HEPH: variants seen among roughly 807,000 people sequenced by gnomAD.
The protein encoded by HEPH is hephaestin.
In HEPH, 69 loss-of-function variants were observed where a neutral mutation model predicts 80.8. That is an observed-to-expected ratio of 0.85 (90% CI 0.70 to 1.04). The LOEUF is 1.04. Ranked by LOEUF, HEPH falls within the 50% of genes least tolerant of loss-of-function variation. The pLI is 0.00. For missense variants in HEPH, 1,115 were observed against 891.3 expected (o/e 1.25, Z -3.20); for synonymous variants, 431 against 322.8 (o/e 1.34, Z -3.60).
At chrX:66,227,871 C>A (rs1225852748) in intron 15 of HEPH, among the ~76,000 whole-genome samples, 2 of 110,970 alleles carry the variant, frequency 1.8e-5, no homozygotes, top group Admixed American at 9.6e-5. Context: ...CTTGCTTTGG[C>A]TATGTGGGAT....
At chrX:66,169,318 T>G (rs1205000827) in intron 1 of HEPH, among the ~76,000 whole-genome samples, 1 of 111,932 alleles carries the variant, frequency 8.9e-6, no homozygotes, top group Non-Finnish European at 1.9e-5. Flanking sequence ...TATAACAGAG[T>G]GATTTTATGT....
At chrX:66,243,891 C>G (rs1197887493) in intron 15 of HEPH, among the ~76,000 whole-genome samples, 1 of 112,044 alleles carries the variant, frequency 8.9e-6, no homozygotes, top group African/African-American at 3.2e-5. Flanking sequence ...ATTTGCCTGC[C>G]TGAAAAGGAT....
At chrX:66,165,487 G>T in intron 1 of HEPH, among the ~76,000 whole-genome samples, 1 of 111,540 alleles carries the variant, frequency 9.0e-6, no homozygotes, top group Non-Finnish European at 1.9e-5. Context: ...TTTAGGATGA[G>T]CCTGTCTAGC....
chrX:66,178,655 T>C (rs1399826580), intron 4 of HEPH, among the ~76,000 whole-genome samples: 2 of 112,248 alleles, frequency 1.8e-5, no homozygotes, highest in Non-Finnish European at 3.8e-5. Flanking sequence ...TGTGGGATGG[T>C]ATCTCATTGT....
At chrX:66,266,275 T>A (rs1286394893) in intron 20 of HEPH, among the ~76,000 whole-genome samples, 165 bp from the exon 21 acceptor site, 2 of 111,108 alleles carry the variant, frequency 1.8e-5, no homozygotes, top group South Asian at 3.9e-4. Flanking sequence ...TTTTCTTGAT[T>A]CTCTAACCTC....
rs5965111 is a variant in HEPH at position 66,198,415 on chromosome X, C to T, written c.1714-463C>T. ...TTCTGTGAAGATTAATTAAAATAACCCATATAAAGTGCCTAGCACAGTGTC... is the reference window on the plus strand; with the variant it reads ...TTCTGTGAAGATTAATTAAAATAACTCATATAAAGTGCCTAGCACAGTGTC... On this transcript the variant is annotated intron_variant, in intron 10 of 20. Transcript: ENST00000343002. Among the ~76,000 whole-genome samples the T allele has an allele frequency of 9.6e-3, 1,072 of 111,876 alleles. 13 individuals are homozygous for T. The highest frequency in any genetic ancestry group is 0.034 in the African/African-American group (1,033 of 30,720).
At chrX:66,199,323 C>A (rs1355617238) in intron 11 of HEPH, among the ~76,000 whole-genome samples, 2 of 109,122 alleles carry the variant, frequency 1.8e-5, no homozygotes, top group East Asian at 5.7e-4. Context: ...CCTTTCCAAT[C>A]TTATCTCCCC....
intron 15 of HEPH, among the ~76,000 whole-genome samples, chrX:66,244,323 A>G (rs2090720038): frequency 9.0e-6 from 1 of 111,674 alleles, no homozygotes; most frequent in Admixed American, 9.5e-5. Flanking sequence ...TAGATTTGGT[A>G]TCTTTACATA....
intron 15 of HEPH, among the ~76,000 whole-genome samples, chrX:66,219,807 G>A (rs1090841): frequency 0.29 from 32,009 of 110,389 alleles, 4,227 homozygotes; most frequent in African/African-American, 0.51. Flanking sequence ...CCCACTGGTC[G>A]GGTATTTTGG....
rs190207224 is a variant in HEPH, at chrX:66,211,415, C to A, written c.2563+3169C>A. ...AAGTATAGTAATCTTAATCTGCTAT[C>A]AAACATTGAATTCATTCCATTTTAC... On this transcript the variant is annotated intron_variant, in intron 15 of 20. Transcript: ENST00000343002. 1.8e-4 allele frequency among the ~76,000 whole-genome samples: 20 copies of A among 111,430 alleles called. No individual in the cohort carries two copies. The Admixed American group carries it at 1.8e-3, about 10-fold the overall frequency.
chrX:66,206,339 CTTTTTTTTTTTTTTTTTTT>C (rs760184190), intron 13 of HEPH, among the ~76,000 whole-genome samples: 96 of 14,074 alleles, frequency 6.8e-3, no homozygotes, highest in Non-Finnish European at 0.011. Context: ...AACCTGCCAT[CTTTTTTTTTTTTTTTTTTT>C]TTTTTTTTTT....
intron 19 of HEPH, among the ~76,000 whole-genome samples, chrX:66,262,525 A>G (rs968480677): frequency 8.9e-6 from 1 of 112,067 alleles, no homozygotes; most frequent in African/African-American, 3.2e-5. Flanking sequence ...ATAAATAATT[A>G]TCACCAGCCA....
intron 4 of HEPH, among the ~76,000 whole-genome samples, chrX:66,180,203 T>A (rs1373102561): frequency 9.0e-6 from 1 of 110,935 alleles, no homozygotes; most frequent in East Asian, 2.8e-4. Context: ...AGATCCTGTG[T>A]GATTGATTTA....
chrX:66,201,006 G>A (rs890862969), intron 12 of HEPH, among the ~76,000 whole-genome samples: 2 of 111,676 alleles, frequency 1.8e-5, no homozygotes, highest in Non-Finnish European at 3.8e-5. Flanking sequence ...AAGGGAAGTT[G>A]GGATGTTGCT....
At chrX:66,228,789 T>C (rs1309749059) in intron 15 of HEPH, among the ~76,000 whole-genome samples, 1 of 112,089 alleles carries the variant, frequency 8.9e-6, no homozygotes, top group African/African-American at 3.2e-5. Context: ...TCAACAGCAC[T>C]AAGGATCAGG....
intron 15 of HEPH, among the ~76,000 whole-genome samples, chrX:66,232,026 T>C (rs903487868): frequency 9.2e-6 from 1 of 109,273 alleles, no homozygotes; most frequent in African/African-American, 3.4e-5. Flanking sequence ...TCTGCATCTA[T>C]TGAGATAATC....
At chrX:66,210,043 T>C (rs774119916) in intron 15 of HEPH, among the ~76,000 whole-genome samples, 22 of 111,272 alleles carry the variant, frequency 2.0e-4, no homozygotes, top group Non-Finnish European at 3.6e-4. Flanking sequence ...AAGAGTATAT[T>C]GAATGAGAAA....
chrX:66,229,642 C>A (rs1405082651), intron 15 of HEPH, among the ~76,000 whole-genome samples: 1 of 111,601 alleles, frequency 9.0e-6, no homozygotes, highest in Non-Finnish European at 1.9e-5. Flanking sequence ...TATAAAGTAC[C>A]TTTTCCAAGA....
chrX:66,255,723 A>G (rs949986914), intron 16 of HEPH, among the ~76,000 whole-genome samples: 2 of 111,360 alleles, frequency 1.8e-5, no homozygotes, highest in African/African-American at 6.5e-5. Context: ...AGGCATCACA[A>G]TGGGAGGTGC....
Sources: allele counts gnomAD v4.1 joint callset (sites outside exome capture counted in the v4.1 genomes callset), GRCh38; gene constraint gnomAD v4.1.1; transcripts MANE v1.5; gene names NCBI Gene and HGNC (gene_info 2026-07-23, HGNC 2026-07-21).